The following CNP variants were observed in gnomAD, a reference collection of about 807,000 sequenced individuals.
CNP encodes 2',3'-cyclic-nucleotide 3'-phosphodiesterase.
CNP carries 8 observed loss-of-function variants against 37.9 expected under a neutral mutation model. The ratio of observed to expected loss-of-function variants is 0.21; its 90% confidence interval spans 0.12 to 0.38. The LOEUF is 0.38. CNP is among the 10% of genes least tolerant of loss of function. CNP has a pLI of 1.00. For synonymous variants in CNP, 237 were observed against 238.3 expected, an observed-to-expected ratio of 0.99 and a Z score of 0.05; for missense variants, 457 against 551.0, an observed-to-expected ratio of 0.83 and a Z score of 1.71.
At chr17:41,972,648 C>T (rs893085630) in intron 3 of CNP, among the ~76,000 whole-genome samples, 2 of 152,170 alleles carry the variant, frequency 1.3e-5, no homozygotes, top group Non-Finnish European at 1.5e-5. Context: ...TTAGCACAAT[C>T]GTTTGTTTGT....
Position 41,976,612 on chromosome 17 carries a change from G to T in CNP, c.*2688G>T. ...TCACAGAGACACAGGGCATCCAACTGAGAAAACGAAACTGCTCTAAGCACA... is the reference window on the plus strand; with the variant it reads ...TCACAGAGACACAGGGCATCCAACTTAGAAAACGAAACTGCTCTAAGCACA... On this transcript the variant is annotated 3_prime_UTR_variant, in exon 4 of 4. Transcript: ENST00000393892. The T allele has an allele frequency of 7.5e-7, 1 of 1,334,536 alleles. No homozygotes were observed. The highest frequency in any genetic ancestry group is 1.4e-5 in the South Asian group (1 of 72,806). The allele number at this position is 1,334,536 out of a possible 1,614,324, so 82.7% of individuals were successfully genotyped here.
rs1180287080 is a variant in CNP at position 41,968,794 on chromosome 17, C to T, written c.676+54C>T. On this transcript the variant is annotated intron_variant, in intron 2 of 3. Coordinates refer to ENST00000393892, the MANE Select transcript of CNP (RefSeq NM_033133.5). This position sits in a 1 kb window ranked among gnomAD's most constrained non-coding sequence, Gnocchi z 4.8. ...CCACCTTGCTGGGCACAGGGTGCTG[C>T]GGGCAAAGGACCATCATTGTACTCA... is the stretch of plus-strand genomic sequence containing the variant. The T allele has an allele frequency of 7.2e-5, 109 of 1,519,166 alleles. No homozygotes were observed. The highest frequency in any genetic ancestry group is 9.2e-5 in the Non-Finnish European group (104 of 1,130,884). The allele number at this position is 1,519,166 out of a possible 1,614,324, so 94.1% of individuals were successfully genotyped here. A position where few individuals can be genotyped will look rare whatever the true frequency, so the allele number is the denominator to read the frequency against.
chr17:41,967,794 C>T, intron 1 of CNP: 1 of 1,270,970 alleles, frequency 7.9e-7, no homozygotes, highest in Non-Finnish European at 1.0e-6. Context: ...GTCCCAGAAC[C>T]GCAGGCTCCT....
At position 41,974,004 on chromosome 17, in the gene CNP, A is replaced by ATTTT. The variant is rs34645700; in HGVS notation, c.*97_*100dup. 17 of 838,450 alleles carry ATTTT rather than the reference A, an allele frequency of 2.0e-5. No homozygotes were observed. Among genetic ancestry groups the ATTTT allele is most frequent in the Non-Finnish European group, 2.7e-5 (17 of 630,110 alleles). 51.9% of individuals were successfully genotyped at this position (838,450 alleles called of 1,614,324 possible). A position where few individuals can be genotyped will look rare whatever the true frequency, so the allele number is the denominator to read the frequency against. On this transcript the variant is annotated 3_prime_UTR_variant, in exon 4 of 4. Coordinates refer to ENST00000393892, the MANE Select transcript of CNP (RefSeq NM_033133.5). ...CTCTGTTTGATCCTTGTTTTGTGAC[A>ATTTT]TTTTTTTTTTTTTTTTTTTTACTCA...
Position 41,971,810 on chromosome 17 carries a change from C to T in CNP, c.677-82C>T, listed in dbSNP as rs1034432647. 54 of 1,571,046 alleles carry T rather than the reference C, an allele frequency of 3.4e-5. No individual in the cohort carries two copies. The African/African-American group carries it at 5.6e-4, about 16-fold the overall frequency. Reference sequence around the variant, plus strand: ...TGATGCTTAGTGTCCGAGTGTTTTGCGCTGGGCCTCGGTGGTCCTGGTGGC... The same window carrying T: ...TGATGCTTAGTGTCCGAGTGTTTTGTGCTGGGCCTCGGTGGTCCTGGTGGC... On this transcript the variant is annotated intron_variant, in intron 2 of 3. Transcript: ENST00000393892.
At position 41,977,138 on chromosome 17, in the gene CNP, T is replaced by A. The variant is rs781855222; in HGVS notation, c.*3214T>A. On this transcript the variant is annotated 3_prime_UTR_variant, in exon 4 of 4. Transcript: ENST00000393892. ...GCAACAGCCGAGTGGATAGATGCCCTGCTAGATGAGAATTCAGCTGCCCCC... is the reference window on the plus strand; with the variant it reads ...GCAACAGCCGAGTGGATAGATGCCCAGCTAGATGAGAATTCAGCTGCCCCC... 1.0e-6 allele frequency: 1 copy of A among 986,038 alleles called. No homozygotes were observed. Among genetic ancestry groups the A allele is most frequent in the Admixed American group, 2.4e-5 (1 of 41,532 alleles). The allele number at this position is 986,038 out of a possible 1,614,324, so 61.1% of individuals were successfully genotyped here. A position where few individuals can be genotyped will look rare whatever the true frequency, so the allele number is the denominator to read the frequency against.
Position 41,976,604 on chromosome 17 carries a change from A to C in CNP, c.*2680A>C. ...CACCCCACTCACAGAGACACAGGGCATCCAACTGAGAAAACGAAACTGCTC... is the reference window on the plus strand; with the variant it reads ...CACCCCACTCACAGAGACACAGGGCCTCCAACTGAGAAAACGAAACTGCTC... On this transcript the variant is annotated 3_prime_UTR_variant, in exon 4 of 4. Transcript: ENST00000393892. The C allele has an allele frequency of 3.4e-6, 4 of 1,191,208 alleles. No homozygotes were observed. Among genetic ancestry groups the C allele is most frequent in the Non-Finnish European group, 3.5e-6 (3 of 859,096 alleles). 73.8% of individuals were successfully genotyped at this position (1,191,208 alleles called of 1,614,324 possible). A position where few individuals can be genotyped will look rare whatever the true frequency, so the allele number is the denominator to read the frequency against.
intron 1 of CNP, chr17:41,967,529 C>T (rs906656505): frequency 2.9e-5 from 10 of 340,210 alleles, no homozygotes; most frequent in African/African-American, 2.0e-4. Context: ...TGAAAGAGGG[C>T]CTTTGTCCAG....
Position 41,977,644 on chromosome 17 carries a change from A to G in CNP, c.*3720A>G, listed in dbSNP as rs879966135. The G allele has an allele frequency of 8.6e-6, 2 of 232,330 alleles. No homozygotes were observed. Among genetic ancestry groups the G allele is most frequent in the Non-Finnish European group, 1.7e-5 (2 of 118,418 alleles). 14.4% of individuals were successfully genotyped at this position (232,330 alleles called of 1,614,324 possible). ...TTTGCACTTACACAAGACTTTCCCC[A>G]TACTCTGTCTCCCTATAATGCTGGA... On this transcript the variant is annotated 3_prime_UTR_variant, in exon 4 of 4. Coordinates refer to ENST00000393892, the MANE Select transcript of CNP (RefSeq NM_033133.5).
At chr17:41,966,953 C>T in intron 1 of CNP, 66 bp downstream of exon 1, 1 of 1,267,186 alleles carries the variant, frequency 7.9e-7, no homozygotes, top group South Asian at 2.6e-5. Context: ...CGGGGCCCCT[C>T]GGGAGGAAGC....
chr17:41,975,478 C>T lies in CNP; in HGVS notation c.*1554C>T, dbSNP rs1373232176. On this transcript the variant is annotated 3_prime_UTR_variant, in exon 4 of 4. Transcript: ENST00000393892. ...CAAGCCCACAGGTGTCCCCAGCCCA[C>T]TGGATCAGAAAGAGTTCAGTAAGAC... 3.3e-5 allele frequency: 5 copies of T among 152,574 alleles called. No homozygotes were observed. The highest frequency in any genetic ancestry group is 3.3e-4 in the Admixed American group (5 of 15,284). 9.5% of individuals were successfully genotyped at this position (152,574 alleles called of 1,614,324 possible).
At chr17:41,966,962 G>A in intron 1 of CNP, 75 bp downstream of exon 1, 1 of 1,264,468 alleles carries the variant, frequency 7.9e-7, no homozygotes, top group Non-Finnish European at 1.0e-6. Flanking sequence ...TCGGGAGGAA[G>A]CGTCTTGCAA....
intron 3 of CNP, among the ~76,000 whole-genome samples, chr17:41,972,836 G>A (rs2051010401): frequency 6.6e-6 from 1 of 152,204 alleles, no homozygotes; most frequent in Admixed American, 6.5e-5. Flanking sequence ...AGACACTGTT[G>A]GGACAAGGGA....
intron 2 of CNP, among the ~76,000 whole-genome samples, chr17:41,969,958 G>A (rs2050961171): frequency 1.3e-5 from 2 of 152,220 alleles, no homozygotes; most frequent in South Asian, 4.1e-4. Context: ...GCCTGTATGG[G>A]TTCTCAGAGA....
chr17:41,976,602 G>C lies in CNP; in HGVS notation c.*2678G>C. On this transcript the variant is annotated 3_prime_UTR_variant, in exon 4 of 4. Coordinates refer to ENST00000393892, the MANE Select transcript of CNP (RefSeq NM_033133.5). Reference sequence around the variant, plus strand: ...TCCACCCCACTCACAGAGACACAGGGCATCCAACTGAGAAAACGAAACTGC... The same window carrying C: ...TCCACCCCACTCACAGAGACACAGGCCATCCAACTGAGAAAACGAAACTGC... 4 of 1,168,360 alleles carry C rather than the reference G, an allele frequency of 3.4e-6. No individual in the cohort carries two copies. The highest frequency in any genetic ancestry group is 4.8e-6 in the Non-Finnish European group (4 of 833,332). 72.4% of individuals were successfully genotyped at this position (1,168,360 alleles called of 1,614,324 possible). A position where few individuals can be genotyped will look rare whatever the true frequency, so the allele number is the denominator to read the frequency against.
chr17:41,971,528 G>A (rs1345901292), intron 2 of CNP: 1 of 178,166 alleles, frequency 5.6e-6, no homozygotes, highest in African/African-American at 2.4e-5. Flanking sequence ...CTCCCAAGTA[G>A]CTGGGATTAC....
Position 41,971,902 on chromosome 17 carries a change from G to GGAT in CNP, c.690_692dup (p.Asp230dup), listed in dbSNP as rs2050996573. Reference sequence around the variant, plus strand: ...GTTTTCTCCCGGCAGTCGTCCCTGGGGATGAGCCCAGGGAGAAGATGGACT... The same window carrying GGAT: ...GTTTTCTCCCGGCAGTCGTCCCTGGGGATGATGAGCCCAGGGAGAAGATGGACT... On this transcript the variant is annotated inframe_insertion, in exon 3 of 4. Coordinates refer to ENST00000393892, the MANE Select transcript of CNP (RefSeq NM_033133.5). The GGAT allele has an allele frequency of 6.2e-7, 1 of 1,613,602 alleles. No individual in the cohort carries two copies. Among genetic ancestry groups the GGAT allele is most frequent in the South Asian group, 1.1e-5 (1 of 91,038 alleles).
At chr17:41,966,997 G>T in intron 1 of CNP, 110 bp downstream of exon 1, 2 of 1,203,434 alleles carry the variant, frequency 1.7e-6, no homozygotes, top group South Asian at 5.7e-5. Flanking sequence ...CTCCGGGTTC[G>T]ACTTCCAGTT....
Position 41,968,190 on chromosome 17 carries a change from A to C in CNP, c.126A>C (p.Thr42=). ...TTCCCTTCCTTCAGGATGAGGACACAGTGGCCACGCTGCTAGAGTGCAAGA... is the reference window on the plus strand; with the variant it reads ...TTCCCTTCCTTCAGGATGAGGACACCGTGGCCACGCTGCTAGAGTGCAAGA... ...LQFPFLQDED[T]VATLLECKTL... The change falls in exon 2 of 4, where the codon ACA becomes ACC. Residue 42 remains threonine, a synonymous_variant. Transcript: ENST00000393892. The surrounding 1 kb of genome is among the most constrained non-coding windows in gnomAD (Gnocchi z 4.8). The C allele has an allele frequency of 6.2e-7, 1 of 1,614,220 alleles. No individual in the cohort carries two copies. Among genetic ancestry groups the C allele is most frequent in the Middle Eastern group, 1.6e-4 (1 of 6,062 alleles).
Sources: gnomAD v4.1 joint callset for allele counts (sites outside exome capture counted in the v4.1 genomes callset) on GRCh38, gnomAD v4.1.1 for gene constraint, Gnocchi (gnomAD v3.1) non-coding constraint, MANE v1.5 for transcripts, NCBI Gene and HGNC (gene_info 2026-07-23, HGNC 2026-07-21) for gene names.